Variants in PTGER3 observed in about 807,000 individuals in gnomAD.
The protein encoded by PTGER3 is prostaglandin E2 receptor EP3 subtype.
Under a neutral mutation model 34.7 loss-of-function variants are expected in PTGER3, and 22 were observed. The ratio of observed to expected loss-of-function variants is 0.63; its 90% CI spans 0.45 to 0.91. PTGER3 has a LOEUF of 0.91. PTGER3 is among the 40% of genes least tolerant of loss of function. The pLI, the probability that PTGER3 is intolerant of heterozygous loss-of-function variation, is 0.00. For synonymous variants in PTGER3, 241 were observed against 230.1 expected, an observed-to-expected ratio of 1.05 and a Z score of -0.43; for missense variants, 468 against 519.4, an observed-to-expected ratio of 0.90 and a Z score of 0.96.
At chr1:70,939,152 C>T (rs375167314) in intron 4 of PTGER3, among the ~76,000 whole-genome samples, 14 of 152,142 alleles carry the variant, frequency 9.2e-5, no homozygotes, top group South Asian at 2.1e-4. Flanking sequence ...TTTCGGGAAC[C>T]GTGCAAGTCC....
chr1:71,047,538 A>G lies in PTGER3; in HGVS notation c.40T>C (p.Cys14Arg), dbSNP rs756617152. 4.1e-5 allele frequency: 64 copies of G among 1,578,676 alleles called. No individual in the cohort carries two copies. In the East Asian group the frequency reaches 4.8e-4, roughly 12 times the overall value. ...TRGYGGDAPF[C>R]TRLNHSYTGM... ...GTGTAGGAGTGGTTGAGGCGGGTGCAGAAGGGGGCATCCCCTCCGTAGCCC... is the reference window on the plus strand; with the variant it reads ...GTGTAGGAGTGGTTGAGGCGGGTGCGGAAGGGGGCATCCCCTCCGTAGCCC... The change falls in exon 1 of 4, where the codon TGC (cysteine) becomes CGC (arginine). Residue 14 changes from cysteine (C) to arginine (R), a missense_variant. Around this residue, in one of 5 missense-constraint regions of PTGER3, gnomAD observed 151 missense variants for 133.5 expected, o/e 1.13. Coordinates refer to ENST00000306666, the MANE Select transcript of PTGER3 (RefSeq NM_198719.2).
In PTGER3 at chr1:70,953,686, C is replaced by G. The variant is rs1397334464; in HGVS notation, c.1104+77G>C. 13 of 1,524,658 alleles carry G rather than the reference C, an allele frequency of 8.5e-6. No individual in the cohort carries two copies. The East Asian group carries it at 2.8e-4, about 33-fold the overall frequency. The allele number at this position is 1,524,658 out of a possible 1,614,324, so 94.4% of individuals were successfully genotyped here. A position where few individuals can be genotyped will look rare whatever the true frequency, so the allele number is the denominator to read the frequency against. ...GAACTTTCAATTTAAGGAAATATGA[C>G]AAACAGTACAGTTGGCAGAAAGTGA... On this transcript the variant is annotated intron_variant, in intron 3 of 3. Coordinates refer to the PTGER3 transcript ENST00000356595.
intron 4 of PTGER3, among the ~76,000 whole-genome samples, chr1:70,943,041 T>C (rs977626879): frequency 1.3e-5 from 2 of 152,176 alleles, no homozygotes; most frequent in African/African-American, 2.4e-5. Context: ...TATTTTCTTC[T>C]CTGAAATGTC....
At chr1:70,873,383 C>T (rs573606781) in intron 4 of PTGER3, among the ~76,000 whole-genome samples, 1 of 152,180 alleles carries the variant, frequency 6.6e-6, no homozygotes. Flanking sequence ...GGTTGTATTT[C>T]TTAGAAACCA....
At chr1:70,992,463 C>T (rs1042571013) in intron 2 of PTGER3, among the ~76,000 whole-genome samples, 2 of 152,192 alleles carry the variant, frequency 1.3e-5, no homozygotes, top group Non-Finnish European at 2.9e-5. Flanking sequence ...TATAGCGACC[C>T]ACATGTTGTT....
chr1:70,920,214 A>C (rs1647393941), intron 4 of PTGER3, among the ~76,000 whole-genome samples: 1 of 152,180 alleles, frequency 6.6e-6, no homozygotes, highest in Non-Finnish European at 1.5e-5. Context: ...TCAAGAAACA[A>C]ATTAAGTGTC....
intron 2 of PTGER3, among the ~76,000 whole-genome samples, chr1:71,000,202 G>T (rs1484277056): frequency 3.3e-5 from 5 of 152,160 alleles, no homozygotes; most frequent in Non-Finnish European, 7.3e-5. Flanking sequence ...GATAACACAT[G>T]ATTATATTCT....
intron 2 of PTGER3, among the ~76,000 whole-genome samples, chr1:70,986,881 C>G (rs1407307817): frequency 6.6e-6 from 1 of 152,148 alleles, no homozygotes; most frequent in Non-Finnish European, 1.5e-5. Context: ...ACCGCAAGAT[C>G]AAGAACCCAT....
Position 71,021,182 on chromosome 1 carries a change from A to G in PTGER3, c.898-8698T>C, listed in dbSNP as rs145399639. On this transcript the variant is annotated intron_variant, in intron 1 of 3. Coordinates refer to ENST00000306666, the MANE Select transcript of PTGER3 (RefSeq NM_198719.2). ...CTCACCTCAAATTTGCACTTTAAAA[A>G]TGTTTAGTAATGCAGAATCATTATT... Among the ~76,000 whole-genome samples, 356 of 152,276 alleles carry G rather than the reference A, an allele frequency of 2.3e-3. 3 individuals carry two copies. Among genetic ancestry groups the G allele is most frequent in the African/African-American group, 7.0e-3 (293 of 41,580 alleles).
intron 1 of PTGER3, among the ~76,000 whole-genome samples, chr1:71,029,034 A>T (rs1659179962): frequency 6.6e-6 from 1 of 152,228 alleles, no homozygotes; most frequent in African/African-American, 2.4e-5. Context: ...CAAGTGAAAA[A>T]GTAAAATAAA....
intron 2 of PTGER3, chr1:70,998,444 G>C (rs1214293051): frequency 1.3e-5 from 2 of 152,180 alleles, no homozygotes; most frequent in Non-Finnish European, 2.9e-5. Context: ...TCTGAAATCT[G>C]CAAGTGATAA....
intron 2 of PTGER3, among the ~76,000 whole-genome samples, chr1:70,991,821 G>C (rs1334266572): frequency 1.3e-5 from 2 of 152,110 alleles, no homozygotes; most frequent in African/African-American, 2.4e-5. Context: ...GTGATTTACT[G>C]TGTTATTACT....
intron 4 of PTGER3, among the ~76,000 whole-genome samples, chr1:70,925,492 A>G (rs894149263): frequency 6.6e-6 from 1 of 152,192 alleles, no homozygotes; most frequent in Non-Finnish European, 1.5e-5. Context: ...AGCATTGTAC[A>G]TAATAGCTAA....
At chr1:70,953,677 G>C in intron 3 of PTGER3, 1 of 1,516,890 alleles carries the variant, frequency 6.6e-7, no homozygotes, top group East Asian at 2.5e-5. Context: ...TCAATTTAAG[G>C]AAATATGACA....
intron 4 of PTGER3, among the ~76,000 whole-genome samples, chr1:70,928,132 T>TA (rs1557661582): frequency 1.6e-4 from 15 of 92,036 alleles, no homozygotes; most frequent in South Asian, 6.1e-4. Context: ...TATATATATA[T>TA]TTATATATAT....
intron 1 of PTGER3, among the ~76,000 whole-genome samples, chr1:71,030,339 A>G (rs1243167017): frequency 1.3e-5 from 2 of 152,220 alleles, no homozygotes; most frequent in Admixed American, 6.5e-5. Context: ...AAAAGATGAA[A>G]GCAGGTTTGC....
intron 2 of PTGER3, chr1:71,008,634 T>G: frequency 1.0e-6 from 1 of 984,842 alleles, no homozygotes; most frequent in Non-Finnish European, 1.2e-6. Context: ...CATCTGTCAC[T>G]TTGTCAGCAC....
chr1:70,922,447 C>A (rs1259248105), intron 4 of PTGER3, among the ~76,000 whole-genome samples: 1 of 152,074 alleles, frequency 6.6e-6, no homozygotes, highest in African/African-American at 2.4e-5. Context: ...CATAAAATGC[C>A]ACTATGGCTC....
intron 4 of PTGER3, among the ~76,000 whole-genome samples, chr1:70,940,528 T>G (rs1649658536): frequency 6.6e-6 from 1 of 152,166 alleles, no homozygotes; most frequent in African/African-American, 2.4e-5. Flanking sequence ...TAATTTGACT[T>G]ACAGTTCCAC....
Sources: allele counts gnomAD v4.1 joint callset (sites outside exome capture counted in the v4.1 genomes callset), GRCh38; gene constraint gnomAD v4.1.1; regional missense constraint gnomAD v4.1.1; transcripts MANE v1.5; gene names NCBI Gene and HGNC (gene_info 2026-07-23, HGNC 2026-07-21).